The following CNKSR2 variants were observed in gnomAD, a reference collection of about 807,000 sequenced individuals.
The protein encoded by CNKSR2 is connector enhancer of kinase suppressor of Ras 2, also known as CNK homolog protein 2.
Under a neutral mutation model 84.4 loss-of-function variants are expected in CNKSR2, and 14 were observed. That is an observed-to-expected ratio of 0.17 (90% CI 0.11 to 0.26). The LOEUF is 0.26. Among genes scored for constraint, CNKSR2 ranks in the 10% least tolerant of loss-of-function variants. The probability of loss-of-function intolerance (pLI) is 1.00; values close to 1 mark genes in which losing one functional copy is unlikely to be tolerated. For synonymous variants in CNKSR2, 275 were observed against 277.9 expected (o/e 0.99, Z 0.10); for missense variants, 485 against 771.2 (o/e 0.63, Z 4.40).
intron 8 of CNKSR2, among the ~76,000 whole-genome samples, chrX:21,502,133 A>T (rs773242668): frequency 4.9e-4 from 51 of 103,753 alleles, no homozygotes; most frequent in African/African-American, 1.7e-3. Context: ...TTTTCATTTT[A>T]AAAAATGTTC....
chrX:21,568,689 C>T (rs905555503), intron 13 of CNKSR2, among the ~76,000 whole-genome samples: 2 of 110,823 alleles, frequency 1.8e-5, no homozygotes, highest in African/African-American at 6.6e-5. Context: ...TATGAAAATG[C>T]TATTCTGATT....
At chrX:21,479,977 A>G (rs750074231) in intron 5 of CNKSR2, among the ~76,000 whole-genome samples, 1 of 111,230 alleles carries the variant, frequency 9.0e-6, no homozygotes, top group Non-Finnish European at 1.9e-5. Flanking sequence ...CCCCACACAC[A>G]TGCACTGCTA....
rs150213313 is a variant in CNKSR2, at chrX:21,510,948, G to A, written c.811-5537G>A. 6.4e-3 allele frequency among the ~76,000 whole-genome samples: 710 copies of A among 111,719 alleles called. 6 individuals are homozygous for A. Among genetic ancestry groups the A allele is most frequent in the Non-Finnish European group, 0.011 (583 of 53,068 alleles). Reference sequence around the variant, plus strand: ...TGAAAAACATTATAGCTAATAATAAGACATTTGTGTAAAAATGCATATGGT... The same window carrying A: ...TGAAAAACATTATAGCTAATAATAAAACATTTGTGTAAAAATGCATATGGT... On this transcript the variant is annotated intron_variant, in intron 8 of 21. Transcript: ENST00000379510.
At chrX:21,616,662 C>CA (rs1422075973) in intron 20 of CNKSR2, among the ~76,000 whole-genome samples, 1 of 111,512 alleles carries the variant, frequency 9.0e-6, no homozygotes, top group African/African-American at 3.3e-5. Flanking sequence ...ACTGCCATTT[C>CA]AAAAATGAAG....
intron 11 of CNKSR2, among the ~76,000 whole-genome samples, chrX:21,555,022 T>A (rs1203642801): frequency 1.8e-5 from 2 of 108,429 alleles, no homozygotes; most frequent in Non-Finnish European, 3.9e-5. Context: ...TTTTTTTTTT[T>A]ACTTTTTGGT....
chrX:21,532,285 G>A, intron 11 of CNKSR2: 1 of 273,501 alleles, frequency 3.7e-6, no homozygotes. Flanking sequence ...AGAACAGTAG[G>A]TAACATTGTA....
intron 10 of CNKSR2, among the ~76,000 whole-genome samples, chrX:21,530,031 G>C (rs2091871620): frequency 9.0e-6 from 1 of 110,674 alleles, no homozygotes; most frequent in South Asian, 3.8e-4. Flanking sequence ...CCTTACTCCA[G>C]TGCCACAAAT....
chrX:21,497,985 G>A (rs1159545396), intron 7 of CNKSR2, 139 bp downstream of exon 7: 2 of 367,430 alleles, frequency 5.4e-6, no homozygotes, highest in Non-Finnish European at 9.6e-6. Flanking sequence ...AAGAGATACT[G>A]AGTTAGTAGC....
intron 1 of CNKSR2, among the ~76,000 whole-genome samples, chrX:21,377,082 T>C (rs769838710): frequency 2.7e-5 from 3 of 112,329 alleles, no homozygotes; most frequent in Non-Finnish European, 3.8e-5. Flanking sequence ...TACCTGTTGG[T>C]GACGCATTTT....
At chrX:21,623,341 C>G (rs1372306214) in intron 20 of CNKSR2, among the ~76,000 whole-genome samples, 1 of 111,350 alleles carries the variant, frequency 9.0e-6, no homozygotes, top group African/African-American at 3.3e-5. Context: ...CTCTAAAGAG[C>G]TTATAGAAAT....
chrX:21,538,166 C>G (rs2091946307), intron 11 of CNKSR2: 1 of 111,458 alleles, frequency 9.0e-6, no homozygotes, highest in Non-Finnish European at 1.9e-5. Flanking sequence ...CTGGGAAAGA[C>G]TTTATTTCTC....
chrX:21,626,103 A>C (rs753293831), intron 20 of CNKSR2, among the ~76,000 whole-genome samples: 2 of 110,863 alleles, frequency 1.8e-5, no homozygotes, highest in African/African-American at 6.6e-5. Flanking sequence ...TGAACACATT[A>C]AGTTCTATGA....
chrX:21,627,947 C>T (rs2092631499), intron 20 of CNKSR2, among the ~76,000 whole-genome samples: 1 of 111,425 alleles, frequency 9.0e-6, no homozygotes, highest in Admixed American at 9.5e-5. Flanking sequence ...GTCCACAGTC[C>T]AAAGTCTCAT....
chrX:21,491,965 G>A (rs2091447144), intron 6 of CNKSR2: 1 of 110,929 alleles, frequency 9.0e-6, no homozygotes, highest in African/African-American at 3.3e-5. Context: ...AGAACACCCA[G>A]ATACAAATAA....
chrX:21,429,834 G>C (rs1475355066), intron 2 of CNKSR2: 1 of 110,912 alleles, frequency 9.0e-6, no homozygotes, highest in Non-Finnish European at 1.9e-5. Flanking sequence ...GGAAGTCCAG[G>C]CTGCAGTGAG....
At chrX:21,516,746 G>T in intron 9 of CNKSR2, 115 bp downstream of exon 9, 1 of 649,386 alleles carries the variant, frequency 1.5e-6, no homozygotes, top group South Asian at 3.3e-5. Flanking sequence ...GTATGCTTTT[G>T]AAAAGTTGTT....
At chrX:21,620,881 G>A (rs1468076092) in intron 20 of CNKSR2, among the ~76,000 whole-genome samples, 13 of 110,982 alleles carry the variant, frequency 1.2e-4, no homozygotes, top group Admixed American at 7.7e-4. Flanking sequence ...CTCATTACTC[G>A]AAGTGTTTAG....
At chrX:21,649,744 C>T (rs1457205339) in intron 21 of CNKSR2, among the ~76,000 whole-genome samples, 1 of 110,963 alleles carries the variant, frequency 9.0e-6, no homozygotes, top group African/African-American at 3.3e-5. Context: ...GAGGGCCCAC[C>T]GCACAAGCCA....
At chrX:21,593,877 G>A (rs1317467243) in intron 15 of CNKSR2, 1 of 111,727 alleles carries the variant, frequency 9.0e-6, no homozygotes, top group African/African-American at 3.3e-5. Flanking sequence ...GTTGGTGAGA[G>A]TATAAATTAG....
Sources: allele counts gnomAD v4.1 joint callset (sites outside exome capture counted in the v4.1 genomes callset), GRCh38; gene constraint gnomAD v4.1.1; transcripts MANE v1.5; gene names NCBI Gene and HGNC (gene_info 2026-07-23, HGNC 2026-07-21).